The following MICU3 variants were observed in gnomAD, a reference collection of about 807,000 sequenced individuals.
MICU3 encodes the protein mitochondrial calcium uptake 3.
Under a neutral mutation model 66.5 loss-of-function variants are expected in MICU3, and 62 were observed. The ratio of observed to expected loss-of-function variants is 0.93; its 90% CI spans 0.76 to 1.15. MICU3 has a LOEUF of 1.15. MICU3 is among the 50% of genes most tolerant of loss of function. The pLI is 0.00. For synonymous variants in MICU3, 308 were observed against 240.7 expected (o/e 1.28, Z -2.59); for missense variants, 779 against 664.4 (o/e 1.17, Z -1.90).
the MICU3 span, among the ~76,000 whole-genome samples, chr8:17,128,529 TATGAG>T: frequency 6.6e-6 from 1 of 152,222 alleles, no homozygotes; most frequent in African/African-American, 2.4e-5. Context: ...CAGATACACT[TATGAG>T]ATAGAATTTC....
chr8:17,095,182 T>C (rs892829504), intron 8 of MICU3, among the ~76,000 whole-genome samples: 3 of 152,018 alleles, frequency 2.0e-5, no homozygotes, highest in African/African-American at 7.2e-5. Flanking sequence ...TCTGCACATC[T>C]GGTTCTGTTG....
At position 17,121,960 on chromosome 8, in the gene MICU3, G is replaced by C. The variant is rs1254981452; in HGVS notation, c.*1673G>C. Reference sequence around the variant, plus strand: ...CACTGAATGTTCTTAATATGATTTGGTACCTAAAGTAATTGAAAAAAATGC... The same window carrying C: ...CACTGAATGTTCTTAATATGATTTGCTACCTAAAGTAATTGAAAAAAATGC... On this transcript the variant is annotated 3_prime_UTR_variant, in exon 15 of 15. Transcript: ENST00000318063. 2 of 151,392 alleles carry C rather than the reference G, an allele frequency of 1.3e-5. No individual in the cohort carries two copies. Among genetic ancestry groups the C allele is most frequent in the South Asian group, 4.2e-4 (2 of 4,808 alleles). 9.4% of individuals were successfully genotyped at this position (151,392 alleles called of 1,614,324 possible). A position where few individuals can be genotyped will look rare whatever the true frequency, so the allele number is the denominator to read the frequency against.
rs139697141 is a variant in MICU3, at chr8:17,072,426, T to C, written c.567+2707T>C. ...TATTTGTGACAAAAATTCTCTAAGA[T>C]TAAAAGCAAAAATGAGAGGCATGAG... On this transcript the variant is annotated intron_variant, in intron 3 of 14. Transcript: ENST00000318063. 2.2e-3 allele frequency among the ~76,000 whole-genome samples: 325 copies of C among 150,800 alleles called. 2 individuals are homozygous for C. The highest frequency in any genetic ancestry group is 7.3e-3 in the African/African-American group (299 of 41,122).
At chr8:17,071,974 C>A (rs1272321225) in intron 3 of MICU3, among the ~76,000 whole-genome samples, 1 of 152,086 alleles carries the variant, frequency 6.6e-6, no homozygotes, top group Non-Finnish European at 1.5e-5. Flanking sequence ...TCCTCCAAAT[C>A]TATCTATAAA....
chr8:17,107,752 T>C (rs1469810616), intron 11 of MICU3, among the ~76,000 whole-genome samples: 1 of 152,200 alleles, frequency 6.6e-6, no homozygotes, highest in Admixed American at 6.5e-5. Flanking sequence ...CAGAAAAAGT[T>C]TGTGAACCTT....
the MICU3 span, among the ~76,000 whole-genome samples, chr8:17,129,968 G>A: frequency 3.3e-5 from 5 of 152,052 alleles, no homozygotes; most frequent in African/African-American, 1.2e-4. Flanking sequence ...ATCTTTAAAT[G>A]GTGGAAAGAA....
chr8:17,037,786 C>T (rs1036482081), intron 1 of MICU3, among the ~76,000 whole-genome samples: 1 of 152,192 alleles, frequency 6.6e-6, no homozygotes, highest in Non-Finnish European at 1.5e-5. Flanking sequence ...CTGTACCCTG[C>T]AAAGCCACAG....
At chr8:17,126,456 G>T (rs1371375126), downstream of MICU3, among the ~76,000 whole-genome samples, 1 of 152,046 alleles carries the variant, frequency 6.6e-6, no homozygotes, top group African/African-American at 2.4e-5. Context: ...GGAAAAATCG[G>T]CATCCAAAAC....
intron 8 of MICU3, among the ~76,000 whole-genome samples, chr8:17,091,502 G>A (rs1172921956): frequency 2.0e-5 from 3 of 151,918 alleles, no homozygotes; most frequent in African/African-American, 7.3e-5. Context: ...CTCCTGTATT[G>A]GATAGTTAAT....
At chr8:17,040,594 T>C (rs568629147) in intron 1 of MICU3, among the ~76,000 whole-genome samples, 3 of 152,292 alleles carry the variant, frequency 2.0e-5, no homozygotes, top group South Asian at 4.1e-4. Flanking sequence ...TTTCATGAAA[T>C]AGCAAATGCA....
chr8:17,095,356 T>C (rs1286137683), intron 8 of MICU3, among the ~76,000 whole-genome samples: 1 of 151,940 alleles, frequency 6.6e-6, no homozygotes, highest in East Asian at 1.9e-4. Flanking sequence ...TCTTTTTCTT[T>C]TTTTCCTATG....
chr8:17,137,365 G>C, the MICU3 span, among the ~76,000 whole-genome samples: 1 of 151,708 alleles, frequency 6.6e-6, no homozygotes, highest in East Asian at 1.9e-4. Flanking sequence ...GTGGCTGTGA[G>C]AACATCATAT....
At chr8:17,076,801 T>C (rs1341805213) in intron 3 of MICU3, among the ~76,000 whole-genome samples, 3 of 152,332 alleles carry the variant, frequency 2.0e-5, no homozygotes, top group African/African-American at 7.2e-5. Flanking sequence ...GCACTGAGAT[T>C]CTGCATTTCG....
chr8:17,071,082 G>T (rs948938521), intron 3 of MICU3, among the ~76,000 whole-genome samples: 1 of 152,114 alleles, frequency 6.6e-6, no homozygotes, highest in Admixed American at 6.6e-5. Flanking sequence ...TTGGACTGCA[G>T]TTGACTGAGG....
chr8:17,116,483 A>T lies in MICU3; in HGVS notation c.1407A>T (p.Lys469Asn). Residue 469 changes from lysine to asparagine, a missense_variant, in exon 13 of 15, where the codon AAA becomes AAT. Transcript: ENST00000318063. ...CCGTCTATGTAGCTACTGGACTCAA[A>T]TTTTCACCACATTTAGTGAACACTG... ...KRAVYVATGL[K>N]FSPHLVNTVF... The T allele has an allele frequency of 6.5e-7, 1 of 1,544,932 alleles. No individual in the cohort carries two copies. The highest frequency in any genetic ancestry group is 8.7e-7 in the Non-Finnish European group (1 of 1,152,932).
intron 12 of MICU3, among the ~76,000 whole-genome samples, chr8:17,116,080 T>G (rs1197998512): frequency 6.6e-6 from 1 of 152,220 alleles, no homozygotes; most frequent in East Asian, 1.9e-4. Flanking sequence ...ATTGGTAGTT[T>G]TTGTGTGGCC....
intron 1 of MICU3, among the ~76,000 whole-genome samples, chr8:17,040,572 A>G (rs1323875723): frequency 6.6e-6 from 1 of 152,226 alleles, no homozygotes; most frequent in African/African-American, 2.4e-5. Flanking sequence ...TGGTGAATTT[A>G]GTAACTTACA....
At chr8:17,048,016 C>A (rs6988267) in intron 1 of MICU3, among the ~76,000 whole-genome samples, 1 of 151,974 alleles carries the variant, frequency 6.6e-6, no homozygotes, top group Admixed American at 6.5e-5. Flanking sequence ...TGGGCCATGA[C>A]GAGTTAAAGT....
In MICU3 at chr8:17,090,591, A is replaced by G; in HGVS notation, c.888+7A>G. On this transcript the variant is annotated splice_region_variant and intron_variant, in intron 8 of 14. Transcript: ENST00000318063. ...CCATTCTCCTACTAATAGTGTATGT[A>G]CAATACTTTAAATGTTCTTTATGTA... 6.2e-7 allele frequency: 1 copy of G among 1,600,872 alleles called. No homozygotes were observed. Among genetic ancestry groups the G allele is most frequent in the Non-Finnish European group, 8.5e-7 (1 of 1,171,466 alleles).
Sources: allele counts gnomAD v4.1 joint callset (sites outside exome capture counted in the v4.1 genomes callset), GRCh38; gene constraint gnomAD v4.1.1; transcripts MANE v1.5; gene names NCBI Gene and HGNC (gene_info 2026-07-23, HGNC 2026-07-21).